CEP112: variants seen among roughly 807,000 people sequenced by gnomAD.
The protein encoded by CEP112 is centrosomal protein of 112 kDa.
A neutral mutation model predicts 153.0 loss-of-function variants in CEP112; 127 were observed. The observed-to-expected ratio is 0.83, with a 90% CI of 0.72 to 0.96. The LOEUF (loss-of-function observed/expected upper bound fraction) is 0.96, where lower values mean the gene tolerates loss of function less well. Ranked by LOEUF, CEP112 falls within the 40% of genes least tolerant of loss-of-function variation. CEP112 has a pLI of 0.00. For missense variants in CEP112, 1,089 were observed against 1,101.2 expected, an observed-to-expected ratio of 0.99 and a Z score of 0.16; for synonymous variants, 358 against 374.4, an observed-to-expected ratio of 0.96 and a Z score of 0.51.
intron 17 of CEP112, among the ~76,000 whole-genome samples, chr17:65,993,898 G>GCTGC (rs1158284708): frequency 6.6e-6 from 1 of 152,064 alleles, no homozygotes; most frequent in East Asian, 1.9e-4. Context: ...TGATCTAGGA[G>GCTGC]CTGCTTACAT....
intron 23 of CEP112, among the ~76,000 whole-genome samples, chr17:65,705,232 A>G (rs232149): frequency 0.011 from 1,605 of 152,348 alleles, 21 homozygotes; most frequent in African/African-American, 0.036. Context: ...ATTTTCAGAT[A>G]TAAGAATCTG....
At chr17:65,870,540 A>G (rs916044232) in intron 20 of CEP112, among the ~76,000 whole-genome samples, 2 of 152,236 alleles carry the variant, frequency 1.3e-5, no homozygotes, top group Non-Finnish European at 2.9e-5. Flanking sequence ...CTCAAATAGA[A>G]TTATAAAAGT....
chr17:65,664,320 AGG>A (rs2046571042), intron 24 of CEP112, among the ~76,000 whole-genome samples: 1 of 152,214 alleles, frequency 6.6e-6, no homozygotes, highest in Non-Finnish European at 1.5e-5. Flanking sequence ...CACTTGGCTG[AGG>A]GCTTGACAGG....
chr17:65,760,350 G>T (rs2052539187), intron 21 of CEP112, among the ~76,000 whole-genome samples: 2 of 152,132 alleles, frequency 1.3e-5, no homozygotes, highest in African/African-American at 4.8e-5. Flanking sequence ...ATCTTAGAGA[G>T]AAAGCTTCTA....
At chr17:65,669,312 G>A (rs1455292750) in intron 24 of CEP112, among the ~76,000 whole-genome samples, 1 of 152,174 alleles carries the variant, frequency 6.6e-6, no homozygotes, top group Non-Finnish European at 1.5e-5. Flanking sequence ...CTCTTCTAAG[G>A]AATAGTTTTA....
At chr17:65,718,871 T>A (rs546307989) in intron 23 of CEP112, among the ~76,000 whole-genome samples, 95 of 152,318 alleles carry the variant, frequency 6.2e-4, no homozygotes, top group Non-Finnish European at 9.8e-4. Flanking sequence ...TTTTGTCAGA[T>A]GTTTCCACGT....
At chr17:66,131,379 AT>A (rs1384242489) in intron 5 of CEP112, among the ~76,000 whole-genome samples, 1 of 152,146 alleles carries the variant, frequency 6.6e-6, no homozygotes, top group Non-Finnish European at 1.5e-5. Context: ...TGCCCTTTAT[AT>A]TTTTTTAATT....
At chr17:65,797,057 A>AAACAAC (rs112453406) in intron 21 of CEP112, 40,514 of 149,526 alleles carry the variant, frequency 0.27, 5,717 homozygotes, top group Admixed American at 0.37. Flanking sequence ...TCTGTCTCAA[A>AAACAAC]AACAACAACA....
At chr17:65,781,144 G>C (rs1210373547) in intron 21 of CEP112, among the ~76,000 whole-genome samples, 2 of 152,052 alleles carry the variant, frequency 1.3e-5, no homozygotes, top group Non-Finnish European at 2.9e-5. Flanking sequence ...AGCATTAGCT[G>C]TTTCTAATTT....
Position 66,034,610 on chromosome 17 carries a change from T to G in CEP112, c.1219-4587A>C, listed in dbSNP as rs187872901. On this transcript the variant is annotated intron_variant, in intron 12 of 26. Transcript: ENST00000535342. ...ACAATGTGAATAATTACAGTGGAGA[T>G]GAGAGAAAAAATGCTCAGATAAAAG... Among the ~76,000 whole-genome samples, 377 of 151,132 alleles carry G rather than the reference T, an allele frequency of 2.5e-3. 2 individuals are homozygous for G. The highest frequency in any genetic ancestry group is 8.5e-3 in the African/African-American group (352 of 41,170).
intron 23 of CEP112, among the ~76,000 whole-genome samples, chr17:65,736,949 A>C (rs1265887712): frequency 6.6e-6 from 1 of 152,200 alleles, no homozygotes; most frequent in Non-Finnish European, 1.5e-5. Context: ...GTCAATGCAC[A>C]TTCTGAATTT....
chr17:65,693,922 C>T (rs929743251), intron 23 of CEP112, among the ~76,000 whole-genome samples: 4 of 152,016 alleles, frequency 2.6e-5, no homozygotes, highest in African/African-American at 9.7e-5. Context: ...TGGGTGTCAA[C>T]GAACTAGGAA....
chr17:66,146,577 T>C (rs1004159643), intron 4 of CEP112, among the ~76,000 whole-genome samples: 1 of 152,140 alleles, frequency 6.6e-6, no homozygotes, highest in African/African-American at 2.4e-5. Flanking sequence ...TGGTATTAAG[T>C]ATATTCACAT....
rs552829464 is a variant in CEP112, at chr17:65,842,817, T to C, written c.2394+8987A>G. Among the ~76,000 whole-genome samples the C allele has an allele frequency of 4.6e-5, 7 of 152,286 alleles. No homozygotes were observed. The East Asian group carries it at 1.2e-3, about 25-fold the overall frequency. On this transcript the variant is annotated intron_variant, in intron 21 of 26. Transcript: ENST00000535342. ...AATACATTTAAAATATTTGATTTGG[T>C]TTGATTTGTGTATTTTGTCAAAGTA...
chr17:65,942,798 A>G (rs1264997116), intron 18 of CEP112, among the ~76,000 whole-genome samples: 1 of 152,226 alleles, frequency 6.6e-6, no homozygotes, highest in African/African-American at 2.4e-5. Flanking sequence ...TTGGATGAGC[A>G]TCTGGCAGTC....
intron 17 of CEP112, among the ~76,000 whole-genome samples, chr17:65,971,558 G>C (rs1394560908): frequency 1.3e-5 from 2 of 151,810 alleles, no homozygotes; most frequent in Non-Finnish European, 2.9e-5. Flanking sequence ...TATGTTACAT[G>C]TGTGTTGTAT....
intron 21 of CEP112, among the ~76,000 whole-genome samples, chr17:65,809,822 C>T (rs1356413293): frequency 2.0e-5 from 3 of 150,012 alleles, no homozygotes; most frequent in African/African-American, 7.4e-5. Flanking sequence ...TGAGACTGCA[C>T]AAGATGAGTT....
chr17:65,807,873 T>C (rs1191472210), intron 21 of CEP112, among the ~76,000 whole-genome samples: 1 of 152,192 alleles, frequency 6.6e-6, no homozygotes, highest in Non-Finnish European at 1.5e-5. Flanking sequence ...AAATGTGGGG[T>C]TGGAGCCCCC....
Position 65,970,213 on chromosome 17 carries a change from A to G in CEP112, c.1737-8615T>C, listed in dbSNP as rs1462334392. Among the ~76,000 whole-genome samples, 4 of 109,184 alleles carry G rather than the reference A, an allele frequency of 3.7e-5. 1 individual carries two copies. Among genetic ancestry groups the G allele is most frequent in the African/African-American group, 9.0e-5 (3 of 33,266 alleles). 71.6% of individuals were successfully genotyped at this position (109,184 alleles called of 152,430 possible). ...CATATATGCTGCATGCATGTCATGC[A>G]TGCATATACCATGCATATATGCATG... is the stretch of plus-strand genomic sequence containing the variant. On this transcript the variant is annotated intron_variant, in intron 17 of 26. Coordinates refer to ENST00000535342, the MANE Select transcript of CEP112 (RefSeq NM_001199165.4).
Sources: allele counts gnomAD v4.1 joint callset (sites outside exome capture counted in the v4.1 genomes callset), GRCh38; gene constraint gnomAD v4.1.1; transcripts MANE v1.5; gene names NCBI Gene and HGNC (gene_info 2026-07-23, HGNC 2026-07-21).